Variants in SPEF2 observed in about 807,000 individuals in gnomAD.
The protein encoded by SPEF2 is sperm flagella and cilia-associated protein 2.
A neutral mutation model predicts 224.6 loss-of-function variants in SPEF2; 187 were observed. That is an observed-to-expected ratio of 0.83 (90% CI 0.74 to 0.94). The LOEUF (loss-of-function observed/expected upper bound fraction) is 0.94, where lower values mean the gene tolerates loss of function less well. SPEF2 is among the 40% of genes least tolerant of loss of function. The pLI is 0.00. For missense variants in SPEF2, 2,170 were observed against 2,135.6 expected, an observed-to-expected ratio of 1.02 and a Z score of -0.32; for synonymous variants, 715 against 707.3, an observed-to-expected ratio of 1.01 and a Z score of -0.17.
intron 2 of SPEF2, among the ~76,000 whole-genome samples, chr5:35,636,696 C>T (rs758890438): frequency 3.3e-5 from 5 of 151,940 alleles, no homozygotes; most frequent in Non-Finnish European, 4.4e-5. Flanking sequence ...TACTCTGGGC[C>T]GGGTGTGGTG....
chr5:35,740,350 CT>C, intron 23 of SPEF2, 83 bp downstream of exon 23: 1 of 1,547,842 alleles, frequency 6.5e-7, no homozygotes. Context: ...TTGCTCCTTA[CT>C]TTTGTGAAGT....
In SPEF2 at chr5:35,741,419, G is replaced by T. The variant is rs531350652; in HGVS notation, c.3330+1152G>T. Among the ~76,000 whole-genome samples, 6 of 152,306 alleles carry T rather than the reference G, an allele frequency of 3.9e-5. No homozygotes were observed. The East Asian group carries it at 1.2e-3, about 29-fold the overall frequency. ...ATGGCACTGAAGGGGGAGGACACTT[G>T]GTGTGTTTGAAGAACAGCAAGGAGG... On this transcript the variant is annotated intron_variant, in intron 23 of 36. Coordinates refer to ENST00000356031, the MANE Select transcript of SPEF2 (RefSeq NM_024867.4).
chr5:35,644,046 A>C (rs1419185528), intron 3 of SPEF2, among the ~76,000 whole-genome samples: 1 of 152,154 alleles, frequency 6.6e-6, no homozygotes, highest in Non-Finnish European at 1.5e-5. Flanking sequence ...TTTTGCAAAA[A>C]AAATAAATAA....
intron 18 of SPEF2, among the ~76,000 whole-genome samples, chr5:35,706,976 A>AGT (rs1362138159): frequency 1.3e-5 from 2 of 152,238 alleles, no homozygotes; most frequent in African/African-American, 4.8e-5. Flanking sequence ...TGTTTTTGCC[A>AGT]ACTATTAGAC....
Position 35,646,750 on chromosome 5 carries a change from T to C in SPEF2, c.669T>C (p.Asn223=), listed in dbSNP as rs768748023. The C allele has an allele frequency of 1.7e-5, 27 of 1,613,702 alleles. No individual in the cohort carries two copies. The highest frequency in any genetic ancestry group is 2.3e-5 in the Non-Finnish European group (27 of 1,179,920). Residue 223 remains asparagine, a synonymous_variant, in exon 5 of 37, where the codon AAT becomes AAC. Transcript: ENST00000356031. ...AIIQIPKPAS[N]RTLKALEAQK... is the part of the protein sequence containing the mutation. ...TACAGATTCCTAAACCTGCATCAAATCGTACTTTGAAAGCACTCGAGGCCC... is the reference window on the plus strand; with the variant it reads ...TACAGATTCCTAAACCTGCATCAAACCGTACTTTGAAAGCACTCGAGGCCC...
chr5:35,740,804 A>G (rs1222319437), intron 23 of SPEF2, among the ~76,000 whole-genome samples: 1 of 152,158 alleles, frequency 6.6e-6, no homozygotes, highest in Non-Finnish European at 1.5e-5. Flanking sequence ...AGTGAATTAT[A>G]TTACCCTGAT....
chr5:35,710,564 A>G lies in SPEF2; in HGVS notation c.2839+1443A>G, dbSNP rs78459287. ...AGAGTGAAACTCTACCTCCAAAAAA[A>G]AGAAAAGAAAAATAACTGAGGAAGA... is the stretch of plus-strand genomic sequence containing the variant. On this transcript the variant is annotated intron_variant, in intron 19 of 36. Transcript: ENST00000356031. 6.3e-3 allele frequency: 6,157 copies of G among 984,906 alleles called. 314 individuals carry two copies. The African/African-American group carries it at 0.098, about 16-fold the overall frequency. 61.0% of individuals were successfully genotyped at this position (984,906 alleles called of 1,614,324 possible). A position where few individuals can be genotyped will look rare whatever the true frequency, so the allele number is the denominator to read the frequency against.
At chr5:35,640,817 T>C (rs1307261115) in intron 2 of SPEF2, among the ~76,000 whole-genome samples, 5 of 152,170 alleles carry the variant, frequency 3.3e-5, no homozygotes, top group Admixed American at 3.3e-4. Context: ...GAATTCAAGA[T>C]ATTGCATCAC....
At chr5:35,716,806 T>C (rs1356217088) in intron 20 of SPEF2, among the ~76,000 whole-genome samples, 2 of 152,182 alleles carry the variant, frequency 1.3e-5, no homozygotes, top group Admixed American at 6.5e-5. Context: ...GTTTATTTGA[T>C]ACCAATTATA....
At position 35,788,790 on chromosome 5, in the gene SPEF2, A is replaced by AC. The variant is rs1580740821; in HGVS notation, c.4448-3549dup. The AC allele has an allele frequency of 8.5e-6, 6 of 702,900 alleles. No homozygotes were observed. In the East Asian group the frequency reaches 1.6e-4, roughly 19 times the overall value. The allele number at this position is 702,900 out of a possible 1,614,324, so 43.5% of individuals were successfully genotyped here. A position where few individuals can be genotyped will look rare whatever the true frequency, so the allele number is the denominator to read the frequency against. On this transcript the variant is annotated intron_variant, in intron 30 of 36. Transcript: ENST00000356031. ...TTTGCACATCACCTTGAACTATCTT[A>AC]CAAAGCGGTGTTCCAGAACATTCCT...
chr5:35,755,907 G>C (rs1041433347), intron 24 of SPEF2, among the ~76,000 whole-genome samples: 4 of 152,126 alleles, frequency 2.6e-5, no homozygotes, highest in Non-Finnish European at 5.9e-5. Flanking sequence ...ACCACACCCA[G>C]CCTACTGTAA....
At chr5:35,726,383 C>G (rs1744657366) in intron 20 of SPEF2, among the ~76,000 whole-genome samples, 1 of 152,022 alleles carries the variant, frequency 6.6e-6, no homozygotes, top group Non-Finnish European at 1.5e-5. Context: ...AGATTCAGGT[C>G]AAAGGAAAAT....
chr5:35,741,057 A>G (rs1385843612), intron 23 of SPEF2, among the ~76,000 whole-genome samples: 3 of 152,226 alleles, frequency 2.0e-5, no homozygotes, highest in Non-Finnish European at 4.4e-5. Flanking sequence ...TTGAGCATCT[A>G]TTATGGTCCT....
chr5:35,699,365 T>C (rs1055752341), intron 15 of SPEF2: 2 of 152,242 alleles, frequency 1.3e-5, no homozygotes, highest in African/African-American at 4.8e-5. Flanking sequence ...TTTCTCACCT[T>C]GTTTTCCAGC....
intron 20 of SPEF2, among the ~76,000 whole-genome samples, chr5:35,718,831 G>T (rs1053032319): frequency 2.0e-5 from 3 of 152,152 alleles, no homozygotes; most frequent in African/African-American, 7.2e-5. Context: ...GAATCCCCTA[G>T]ATCCAATTTT....
At chr5:35,624,962 G>A (rs949766676) in intron 1 of SPEF2, among the ~76,000 whole-genome samples, 1 of 152,098 alleles carries the variant, frequency 6.6e-6, no homozygotes, top group African/African-American at 2.4e-5. Flanking sequence ...ACGTTTTAGT[G>A]TATCAGTCCT....
intron 8 of SPEF2, among the ~76,000 whole-genome samples, chr5:35,661,256 A>ATC (rs1749660817): frequency 3.7e-4 from 2 of 5,356 alleles, no homozygotes; most frequent in African/African-American, 3.0e-3. Context: ...GGTATATATT[A>ATC]TATATATATA....
At chr5:35,757,907 T>C (rs190694937) in intron 24 of SPEF2, among the ~76,000 whole-genome samples, 1 of 152,302 alleles carries the variant, frequency 6.6e-6, no homozygotes, top group East Asian at 1.9e-4. Flanking sequence ...ACCAAATTAA[T>C]TTTTTCCTGT....
intron 24 of SPEF2, among the ~76,000 whole-genome samples, chr5:35,758,228 A>T (rs1206249706): frequency 6.6e-6 from 1 of 152,126 alleles, no homozygotes; most frequent in South Asian, 2.1e-4. Context: ...TTTTCTTTTT[A>T]CAAAGATGCT....
Sources: gnomAD v4.1 joint callset for allele counts (sites outside exome capture counted in the v4.1 genomes callset) on GRCh38, gnomAD v4.1.1 for gene constraint, MANE v1.5 for transcripts, NCBI Gene and HGNC (gene_info 2026-07-23, HGNC 2026-07-21) for gene names.